Variants in TNXB observed in about 807,000 individuals in gnomAD.
TNXB encodes the protein tenascin-X.
TNXB carries 183 observed loss-of-function variants against 340.5 expected under a neutral mutation model. The observed-to-expected ratio is 0.54, with a 90% confidence interval of 0.48 to 0.61. The LOEUF is 0.61. Among genes scored for constraint, TNXB ranks in the 20% least tolerant of loss-of-function variants. The probability of loss-of-function intolerance (pLI) is 0.00; values close to 1 mark genes in which losing one functional copy is unlikely to be tolerated. For missense variants in TNXB, 4,613 were observed against 5,446.4 expected, an observed-to-expected ratio of 0.85 and a Z score of 4.82; for synonymous variants, 2,121 against 2,314.5, an observed-to-expected ratio of 0.92 and a Z score of 2.40.
Position 32,108,353 on chromosome 6 carries a change from G to T in TNXB, c.-9+828C>A, listed in dbSNP as rs1371161484. 6.6e-6 allele frequency among the ~76,000 whole-genome samples: 1 copy of T among 152,170 alleles called. No individual in the cohort carries two copies. The highest frequency in any genetic ancestry group is 2.4e-5 in the African/African-American group (1 of 41,434). On this transcript the variant is annotated intron_variant, in intron 1 of 43. Coordinates refer to ENST00000644971, the MANE Select transcript of TNXB (RefSeq NM_001365276.2). The surrounding 1 kb of genome is among the most constrained non-coding windows in gnomAD (Gnocchi z 4.8). The stretch of plus-strand genomic sequence containing the variant: ...CCGGGGCGTGTCACGTGTACTGGTG[G>T]TGGGGGGCGGGGGCGGCGAGGTGAG...
chr6:32,073,782 G>A lies in TNXB; in HGVS notation c.4546C>T (p.Gln1516Ter). 1 of 1,612,500 alleles carries A rather than the reference G, an allele frequency of 6.2e-7. No individual in the cohort carries two copies. Residue 1516 changes from glutamine to a stop codon, truncating the protein, a stop_gained, in exon 12 of 44, where the codon CAG becomes TAG. Coordinates refer to ENST00000644971, the MANE Select transcript of TNXB (RefSeq NM_001365276.2). LOFTEE classifies it high-confidence loss of function. This position sits in a 1 kb window ranked among gnomAD's most constrained non-coding sequence, Gnocchi z 4.6. The stretch of plus-strand genomic sequence containing the variant: ...TGGTCTGCCGCCACCGGCACCACCT[G>A]GGGCTGCCCGTCCTTGTCCTTGTAC... ...VQYKDKDGQP[Q>*]VVPVAADQRE...
intron 24 of TNXB, among the ~76,000 whole-genome samples, chr6:32,055,469 C>T (rs1209870921): frequency 6.6e-6 from 1 of 152,114 alleles, no homozygotes; most frequent in African/African-American, 2.4e-5. Context: ...AGTGTGCAGT[C>T]GACGCGCTGC....
chr6:32,103,799 T>C (rs1199313785), intron 1 of TNXB, among the ~76,000 whole-genome samples: 1 of 151,148 alleles, frequency 6.6e-6, no homozygotes, highest in Non-Finnish European at 1.5e-5. Flanking sequence ...GGCACGATCT[T>C]GGCTCAATGC....
At position 32,068,358 on chromosome 6, in the gene TNXB, C is replaced by T. The variant is rs3749961; in HGVS notation, c.6220+32G>A. 4,636 of 1,607,286 alleles carry T rather than the reference C, an allele frequency of 2.9e-3. 150 individuals are homozygous for T. In the East Asian group the frequency reaches 0.073, roughly 25 times the overall value. On this transcript the variant is annotated intron_variant, in intron 17 of 43. Transcript: ENST00000644971. This position sits in a 1 kb window ranked among gnomAD's most constrained non-coding sequence, Gnocchi z 5.3. ...GAGCAAGAGGGTGACCCTCCCATGG[C>T]TCCCACCCTGGGGCTCCCATCATCC...
At position 32,051,746 on chromosome 6, in the gene TNXB, A is replaced by G. The variant is rs1777294274; in HGVS notation, c.9115+924T>C. Among the ~76,000 whole-genome samples the G allele has an allele frequency of 6.6e-6, 1 of 152,192 alleles. No individual in the cohort carries two copies. The highest frequency in any genetic ancestry group is 6.5e-5 in the Admixed American group (1 of 15,286). On this transcript the variant is annotated intron_variant, in intron 26 of 43. Coordinates refer to ENST00000644971, the MANE Select transcript of TNXB (RefSeq NM_001365276.2). This position sits in a 1 kb window ranked among gnomAD's most constrained non-coding sequence, Gnocchi z 4.7. ...TACCGAGACCCCCATTGCCACAGAAAATAAAATAAAAAGGAAATTCTGACT... is the reference window on the plus strand; with the variant it reads ...TACCGAGACCCCCATTGCCACAGAAGATAAAATAAAAAGGAAATTCTGACT...
rs181275781 is a variant in TNXB, at chr6:32,091,203, C to T, written c.2359-1824G>A. 2.7e-3 allele frequency among the ~76,000 whole-genome samples: 411 copies of T among 150,770 alleles called. 1 individual carries two copies. The highest frequency in any genetic ancestry group is 0.026 in the South Asian group (123 of 4,764). ...TCAGCTCATCGCGAGCTCCGCCTCC[C>T]GGGTTCAAGCGATTCTCCTGCCTCA... On this transcript the variant is annotated intron_variant, in intron 4 of 43. Transcript: ENST00000644971.
Position 32,046,441 on chromosome 6 carries a change from T to G in TNXB, c.10340A>C (p.Glu3447Ala). 6.4e-7 allele frequency: 1 copy of G among 1,574,522 alleles called. No homozygotes were observed. The highest frequency in any genetic ancestry group is 8.7e-7 in the Non-Finnish European group (1 of 1,153,108). ...ADSTTAPLEK[E>A]LPPHLGELTV... is the part of the protein sequence containing the mutation. ...CAGTTCCCCCAGGTGGGGAGGTAGC[T>G]CCTTCTCCAGGGGAGCTGTGCAGAG... Residue 3447 changes from glutamate to alanine, a missense_variant, in exon 31 of 44, where the codon GAG becomes GCG. This residue lies in a region of TNXB where 4,327 missense variants were observed against 4,859.4 expected (regional missense o/e 0.89). Coordinates refer to ENST00000644971, the MANE Select transcript of TNXB (RefSeq NM_001365276.2). The surrounding 1 kb of genome is among the most constrained non-coding windows in gnomAD (Gnocchi z 6.9).
At chr6:32,103,723 G>A (rs975346749) in intron 1 of TNXB, among the ~76,000 whole-genome samples, 4 of 144,582 alleles carry the variant, frequency 2.8e-5, no homozygotes, top group Non-Finnish European at 6.0e-5. Flanking sequence ...ACAGTTCACC[G>A]CATCTTTTTT....
chr6:32,077,398 T>G lies in TNXB; in HGVS notation c.4375+1635A>C, dbSNP rs897623553. Among the ~76,000 whole-genome samples the G allele has an allele frequency of 2.6e-5, 4 of 152,272 alleles. No homozygotes were observed. The South Asian group carries it at 8.3e-4, about 31-fold the overall frequency. Reference sequence around the variant, plus strand: ...CATGATGAGGCTGAGCTTGGTGGAATTACAGAAACCATGTTCTGGAAAACT... The same window carrying G: ...CATGATGAGGCTGAGCTTGGTGGAAGTACAGAAACCATGTTCTGGAAAACT... On this transcript the variant is annotated intron_variant, in intron 11 of 43. Transcript: ENST00000644971.
In TNXB at chr6:32,070,378, C is replaced by T. The variant is rs755779024; in HGVS notation, c.5027G>A (p.Arg1676His). The change falls in exon 14 of 44, where the codon CGC (arginine) becomes CAC (histidine). Residue 1676 changes from arginine to histidine, a missense_variant. Transcript: ENST00000644971. The surrounding 1 kb of genome is among the most constrained non-coding windows in gnomAD (Gnocchi z 6.0). Reference protein sequence around the residue: ...RGDASPGAPPRLGELWVTDPT... With the variant: ...RGDASPGAPPHLGELWVTDPT... ...GTCTGTCACCCACAGCTCCCCAAGG[C>T]GGGGTGGGGCCCCTGGGCTGGCGTC... 9.4e-6 allele frequency: 15 copies of T among 1,598,212 alleles called. No individual in the cohort carries two copies. The highest frequency in any genetic ancestry group is 1.3e-5 in the African/African-American group (1 of 74,734).
intron 24 of TNXB, among the ~76,000 whole-genome samples, chr6:32,054,317 A>C (rs558278704): frequency 4.7e-4 from 72 of 152,186 alleles, no homozygotes; most frequent in African/African-American, 1.7e-3. Context: ...TGAACTTCAC[A>C]CAGGCACAGC....
At chr6:32,050,491 AC>A (rs1777217051) in intron 26 of TNXB, among the ~76,000 whole-genome samples, 170 bp from the exon 27 acceptor site, 1 of 136,584 alleles carries the variant, frequency 7.3e-6, no homozygotes, top group Non-Finnish European at 1.6e-5. Flanking sequence ...CCTCACCCTG[AC>A]CCCCCTGCCC....
chr6:32,084,061 G>A lies in TNXB; in HGVS notation c.3445+352C>T, dbSNP rs939170277. Among the ~76,000 whole-genome samples the A allele has an allele frequency of 2.6e-5, 4 of 152,158 alleles. No individual in the cohort carries two copies. The highest frequency in any genetic ancestry group is 5.9e-5 in the Non-Finnish European group (4 of 68,020). On this transcript the variant is annotated intron_variant, in intron 8 of 43. Transcript: ENST00000644971. This position sits in a 1 kb window ranked among gnomAD's most constrained non-coding sequence, Gnocchi z 5.5. ...CATCACTCTCCCACTTTACCCTTCA[G>A]AGGCCCTCTAGGGGCCTTCGAATGA... is the stretch of plus-strand genomic sequence containing the variant.
chr6:32,095,344 T>A (rs1460400572), intron 3 of TNXB, among the ~76,000 whole-genome samples, 153 bp from the exon 4 acceptor site: 1 of 152,176 alleles, frequency 6.6e-6, no homozygotes, highest in Non-Finnish European at 1.5e-5. Context: ...GAACGGGGCT[T>A]GGATCGCCTT....
intron 18 of TNXB, among the ~76,000 whole-genome samples, chr6:32,066,307 T>C (rs1778333963): frequency 6.6e-6 from 1 of 152,134 alleles, no homozygotes; most frequent in African/African-American, 2.4e-5. Flanking sequence ...GATGGGAGGA[T>C]GGCTTGAGCC....
Position 32,061,412 on chromosome 6 carries a change from T to G in TNXB, c.7477A>C (p.Thr2493Pro). ...CACTACTCACCAGTCACGCCCACGG[T>G]GGACACCGGGCCCACGCGCCGCCCC... ...HEGRRVGPVS[T>P]VGVTAPQEDV... The change falls in exon 21 of 44, where the codon ACC (threonine) becomes CCC (proline). Residue 2493 changes from threonine (T) to proline (P), a missense_variant. By Grantham distance (38) the Thr-to-Pro change is conservative. This residue lies in a region of TNXB where 4,327 missense variants were observed against 4,859.4 expected (regional missense o/e 0.89). Coordinates refer to ENST00000644971, the MANE Select transcript of TNXB (RefSeq NM_001365276.2). This position sits in a 1 kb window ranked among gnomAD's most constrained non-coding sequence, Gnocchi z 4.4. 6.2e-7 allele frequency: 1 copy of G among 1,612,296 alleles called. No individual in the cohort carries two copies. The highest frequency in any genetic ancestry group is 8.5e-7 in the Non-Finnish European group (1 of 1,179,300).
intron 13 of TNXB, among the ~76,000 whole-genome samples, chr6:32,071,628 C>G (rs1332811027): frequency 6.6e-6 from 1 of 151,508 alleles, no homozygotes; most frequent in African/African-American, 2.4e-5. Flanking sequence ...CTCTATCACC[C>G]AGGCTGGAGT....
Position 32,061,705 on chromosome 6 carries a change from G to A in TNXB, c.7184C>T (p.Thr2395Ile), listed in dbSNP as rs1778029216. 6.2e-7 allele frequency: 1 copy of A among 1,611,480 alleles called. No homozygotes were observed. Among genetic ancestry groups the A allele is most frequent in the Non-Finnish European group, 8.5e-7 (1 of 1,178,848 alleles). The change falls in exon 21 of 44, where the codon ACC becomes ATC. Residue 2395 changes from threonine (T) to isoleucine (I), a missense_variant. By Grantham distance (89) the Thr-to-Ile change is moderately conservative. This residue lies in a region of TNXB where 4,327 missense variants were observed against 4,859.4 expected (regional missense o/e 0.89). Coordinates refer to ENST00000644971, the MANE Select transcript of TNXB (RefSeq NM_001365276.2). The surrounding 1 kb of genome is among the most constrained non-coding windows in gnomAD (Gnocchi z 4.4). Reference protein sequence around the residue: ...AIGVTAAEEETPSPTEPSMEA... With the variant: ...AIGVTAAEEEIPSPTEPSMEA... ...CATGCTGGGTTCTGTGGGGCTGGGG[G>A]TCTCTTCCTCTGCAGCTGAGAAAAA...
In TNXB at chr6:32,079,491, T is replaced by C. The variant is rs17201560; in HGVS notation, c.4043-126A>G. The C allele has an allele frequency of 0.034, 27,768 of 805,102 alleles. 550 individuals carry two copies. Among genetic ancestry groups the C allele is most frequent in the Non-Finnish European group, 0.04 (21,064 of 520,936 alleles). 49.9% of individuals were successfully genotyped at this position (805,102 alleles called of 1,614,324 possible). A position where few individuals can be genotyped will look rare whatever the true frequency, so the allele number is the denominator to read the frequency against. ...TGTAGCCTTTGTATTTGCCATTCGG[T>C]CACTCACGGATGGAGAAGGCTGAGA... On this transcript the variant is annotated intron_variant, in intron 10 of 43. Coordinates refer to ENST00000644971, the MANE Select transcript of TNXB (RefSeq NM_001365276.2). The surrounding 1 kb of genome is among the most constrained non-coding windows in gnomAD (Gnocchi z 7.1).
Sources: allele counts gnomAD v4.1 joint callset (sites outside exome capture counted in the v4.1 genomes callset), GRCh38; gene constraint gnomAD v4.1.1; regional missense constraint gnomAD v4.1.1; non-coding constraint Gnocchi (gnomAD v3.1); transcripts MANE v1.5; gene names NCBI Gene and HGNC (gene_info 2026-07-23, HGNC 2026-07-21).